PRKG1: variants seen among roughly 807,000 people sequenced by gnomAD.
The protein encoded by PRKG1 is protein kinase cGMP-dependent 1.
Under a neutral mutation model 88.1 loss-of-function variants are expected in PRKG1, and 35 were observed. The observed-to-expected ratio is 0.40, with a 90% CI of 0.30 to 0.53. PRKG1 has a LOEUF of 0.53. Ranked by LOEUF, PRKG1 falls within the 20% of genes least tolerant of loss-of-function variation. PRKG1 has a pLI of 0.59. For missense variants in PRKG1, 540 were observed against 839.8 expected (o/e 0.64, Z 4.41); for synonymous variants, 303 against 292.5 (o/e 1.04, Z -0.37).
chr10:51,952,982 T>C (rs1843220916), intron 5 of PRKG1, among the ~76,000 whole-genome samples: 1 of 152,236 alleles, frequency 6.6e-6, no homozygotes, highest in African/African-American at 2.4e-5. Flanking sequence ...TGCAGAGGCA[T>C]ATTTCCTACT....
intron 4 of PRKG1, among the ~76,000 whole-genome samples, chr10:51,851,862 G>C (rs1840563353): frequency 6.6e-6 from 1 of 152,080 alleles, no homozygotes; most frequent in Non-Finnish European, 1.5e-5. Flanking sequence ...TAGATTAGTA[G>C]GACCTGCCAT....
chr10:51,740,054 G>T (rs1486767728), intron 3 of PRKG1, among the ~76,000 whole-genome samples: 1 of 152,088 alleles, frequency 6.6e-6, no homozygotes, highest in African/African-American at 2.4e-5. Context: ...TTGTGATAGA[G>T]TTTCACTCAA....
intron 9 of PRKG1, among the ~76,000 whole-genome samples, chr10:52,219,142 G>T (rs929789829): frequency 1.3e-5 from 2 of 152,044 alleles, no homozygotes; most frequent in Admixed American, 1.3e-4. Flanking sequence ...AGATGTAAGT[G>T]GGTCATAAAA....
intron 2 of PRKG1, among the ~76,000 whole-genome samples, chr10:51,290,922 G>C (rs1439419988): frequency 2.6e-5 from 4 of 152,078 alleles, no homozygotes; most frequent in Admixed American, 2.6e-4. Context: ...TTTACCTATT[G>C]CATTCTTGTT....
chr10:51,077,255 C>T (rs1843978805), intron 1 of PRKG1, among the ~76,000 whole-genome samples: 1 of 152,194 alleles, frequency 6.6e-6, no homozygotes, highest in South Asian at 2.1e-4. Context: ...TTACTGGCAA[C>T]AAGTGTTTGT....
chr10:51,072,498 C>T (rs1843846254), upstream of PRKG1, among the ~76,000 whole-genome samples: 1 of 152,044 alleles, frequency 6.6e-6, no homozygotes, highest in African/African-American at 2.4e-5. Flanking sequence ...AGTCACAGTA[C>T]TTCTGCTTGG....
chr10:51,278,702 A>G (rs184288142), intron 2 of PRKG1, among the ~76,000 whole-genome samples: 2 of 152,238 alleles, frequency 1.3e-5, no homozygotes, highest in Non-Finnish European at 2.9e-5. Flanking sequence ...GTGTCCAGGA[A>G]TTTATCCGTT....
intron 2 of PRKG1, among the ~76,000 whole-genome samples, chr10:51,154,347 G>T (rs9415733): frequency 6.6e-6 from 1 of 151,512 alleles, no homozygotes; most frequent in Non-Finnish European, 1.5e-5. Context: ...ATGTTGGGGG[G>T]ACTGCTGACT....
At chr10:51,738,115 A>G (rs1449037328) in intron 3 of PRKG1, among the ~76,000 whole-genome samples, 2 of 152,068 alleles carry the variant, frequency 1.3e-5, no homozygotes, top group Non-Finnish European at 2.9e-5. Flanking sequence ...GATACACAGC[A>G]AATTTGGGGG....
In PRKG1 at chr10:51,724,716, A is replaced by G. The variant is rs183293302; in HGVS notation, c.593-79869A>G. On this transcript the variant is annotated intron_variant, in intron 3 of 17. Transcript: ENST00000373980. ...CATTCATGGGTTTTTGTTTCTCGAG[A>G]CAAAGTCTCATTCTGTTGCCCAGGC... 1.6e-4 allele frequency among the ~76,000 whole-genome samples: 24 copies of G among 152,056 alleles called. 1 individual carries two copies. In the East Asian group the frequency reaches 4.1e-3, roughly 26 times the overall value.
At chr10:51,059,068 C>T (rs76469693) in intron 1 of PRKG1, among the ~76,000 whole-genome samples, 1 of 152,042 alleles carries the variant, frequency 6.6e-6, no homozygotes, top group Non-Finnish European at 1.5e-5. Context: ...ACATTTTTAA[C>T]CTTTAACATA....
At chr10:51,171,658 C>T (rs59862307) in intron 2 of PRKG1, among the ~76,000 whole-genome samples, 72 of 152,112 alleles carry the variant, frequency 4.7e-4, no homozygotes, top group African/African-American at 1.7e-3. Context: ...AAAGTAATCT[C>T]GACAAAGGCA....
intron 2 of PRKG1, among the ~76,000 whole-genome samples, chr10:51,348,529 C>T (rs1056024016): frequency 7.9e-5 from 12 of 152,102 alleles, no homozygotes; most frequent in South Asian, 2.1e-4. Context: ...ATAAAACAAG[C>T]GCATTAGAGA....
intron 3 of PRKG1, among the ~76,000 whole-genome samples, chr10:51,559,938 C>T (rs902603777): frequency 1.3e-5 from 2 of 152,106 alleles, no homozygotes; most frequent in African/African-American, 4.8e-5. Context: ...TCCCTGATCA[C>T]TCATTTGCAT....
intron 1 of PRKG1, among the ~76,000 whole-genome samples, chr10:51,085,280 A>T (rs539718075): frequency 6.6e-6 from 1 of 152,336 alleles, no homozygotes; most frequent in East Asian, 1.9e-4. Flanking sequence ...TAAAGCGAGT[A>T]AGAGAAGATA....
chr10:51,193,882 C>T (rs541525615), intron 2 of PRKG1, among the ~76,000 whole-genome samples: 6 of 152,226 alleles, frequency 3.9e-5, no homozygotes, highest in South Asian at 4.1e-4. Context: ...AGACCAGATG[C>T]GAAGGAGGAC....
intron 5 of PRKG1, among the ~76,000 whole-genome samples, chr10:51,963,760 A>C (rs2133076286): frequency 6.6e-6 from 1 of 152,136 alleles, no homozygotes; most frequent in South Asian, 2.1e-4. Context: ...CTTATTTTTA[A>C]GTTTCCTTGT....
chr10:52,268,618 A>C (rs1176612149), intron 10 of PRKG1, among the ~76,000 whole-genome samples: 3 of 152,072 alleles, frequency 2.0e-5, no homozygotes, highest in Admixed American at 2.0e-4. Flanking sequence ...GCAAAGTATC[A>C]ATCACTATGC....
rs1461910689 is a variant in PRKG1, at chr10:51,367,734, TG to T, written c.479-99988del. Among the ~76,000 whole-genome samples, 15 of 152,134 alleles carry T rather than the reference TG, an allele frequency of 9.9e-5. No homozygotes were observed. The East Asian group carries it at 2.9e-3, about 30-fold the overall frequency. On this transcript the variant is annotated intron_variant, in intron 2 of 17. Transcript: ENST00000373980. ...AATTTTGAGATGTAAATTGCTCTTC[TG>T]TGACCTAATATATGATTAATACAGC... is the stretch of plus-strand genomic sequence containing the variant.
Sources: allele counts gnomAD v4.1 joint callset (sites outside exome capture counted in the v4.1 genomes callset), GRCh38; gene constraint gnomAD v4.1.1; transcripts MANE v1.5; gene names NCBI Gene and HGNC (gene_info 2026-07-23, HGNC 2026-07-21).